Variants in ATAD2B observed in about 807,000 individuals in gnomAD.
ATAD2B encodes the protein ATPase family AAA domain containing 2B.
A neutral mutation model predicts 167.6 loss-of-function variants in ATAD2B; 40 were observed. The observed-to-expected ratio is 0.24, with a 90% CI of 0.19 to 0.31. The LOEUF (loss-of-function observed/expected upper bound fraction) is 0.31. Ranked by LOEUF, ATAD2B falls within the 10% of genes least tolerant of loss-of-function variation. ATAD2B has a pLI of 1.00. For synonymous variants in ATAD2B, 579 were observed against 596.5 expected, an observed-to-expected ratio of 0.97 and a Z score of 0.43; for missense variants, 1,242 against 1,757.2, an observed-to-expected ratio of 0.71 and a Z score of 5.24.
At chr2:23,691,696 G>A in the ATAD2B span, 4 of 1,551,776 alleles carry the variant, frequency 2.6e-6, no homozygotes, top group Non-Finnish European at 3.5e-6. Context: ...CAGCGGCCAG[G>A]GCGGCCGGGA....
chr2:23,712,245 A>G, the ATAD2B span, among the ~76,000 whole-genome samples: 2 of 152,190 alleles, frequency 1.3e-5, no homozygotes, highest in African/African-American at 2.4e-5. Context: ...TCCCCAGGCT[A>G]CCTCAAAAAT....
At chr2:23,906,820 A>T (rs946588184) in intron 1 of ATAD2B, among the ~76,000 whole-genome samples, 1 of 152,012 alleles carries the variant, frequency 6.6e-6, no homozygotes, top group Non-Finnish European at 1.5e-5. Flanking sequence ...AATACACGCA[A>T]ATCAATAAAT....
chr2:23,691,468 G>T, the ATAD2B span: 1 of 598,782 alleles, frequency 1.7e-6, no homozygotes, highest in East Asian at 2.8e-5. Flanking sequence ...GATAAGCAGG[G>T]TTTTCTGTTC....
At chr2:23,739,930 C>T in the ATAD2B span, among the ~76,000 whole-genome samples, 1 of 152,188 alleles carries the variant, frequency 6.6e-6, no homozygotes, top group Non-Finnish European at 1.5e-5. Flanking sequence ...CACCTCTACG[C>T]AAATAAACTA....
rs778698296 is a variant in ATAD2B, at chr2:23,887,896, G to A, written c.508C>T (p.Arg170Cys). Residue 170 changes from arginine (R) to cysteine (C), a missense_variant, in exon 4 of 28, where the codon CGT (arginine) becomes TGT (cysteine). Physicochemically the swap from Arg to Cys is radical, Grantham distance 180. Transcript: ENST00000238789. Reference sequence around the variant, plus strand: ...CTTTCAAATCTGTTTTTCCTGGAACGACAACTTTTTCTGACTTCCATGTCA... The same window carrying A: ...CTTTCAAATCTGTTTTTCCTGGAACAACAACTTTTTCTGACTTCCATGTCA... Reference protein sequence around the residue: ...NGDMEVRKSCRSRKNRFESVN... With the variant: ...NGDMEVRKSCCSRKNRFESVN... The A allele has an allele frequency of 1.1e-5, 18 of 1,610,146 alleles. No homozygotes were observed. The highest frequency in any genetic ancestry group is 1.3e-5 in the Non-Finnish European group (15 of 1,178,638).
At chr2:23,740,818 C>A in the ATAD2B span, among the ~76,000 whole-genome samples, 9 of 152,052 alleles carry the variant, frequency 5.9e-5, no homozygotes, top group South Asian at 2.1e-4. Context: ...GTCTCAGCCC[C>A]AAATCTCCTC....
chr2:23,795,936 T>C (rs1254603564), intron 19 of ATAD2B, among the ~76,000 whole-genome samples: 1 of 150,282 alleles, frequency 6.7e-6, no homozygotes, highest in African/African-American at 2.4e-5. Context: ...AGACCTGAAA[T>C]TAAATTGTAA....
chr2:23,909,463 CACAT>C lies in ATAD2B; in HGVS notation c.217-13497_217-13494del, dbSNP rs1169464231. Among the ~76,000 whole-genome samples the C allele has an allele frequency of 4.0e-5, 6 of 151,438 alleles. No individual in the cohort carries two copies. In the East Asian group the frequency reaches 9.7e-4, roughly 24 times the overall value. ...ACATATATATATATACACACACACA[CACAT>C]ACATATATATATACATACATACATA... On this transcript the variant is annotated intron_variant, in intron 1 of 27. Coordinates refer to ENST00000238789, the MANE Select transcript of ATAD2B (RefSeq NM_017552.4).
Position 23,762,261 on chromosome 2 carries a change from G to T in ATAD2B, c.3342C>A (p.His1114Gln), listed in dbSNP as rs374689570. Reference sequence around the variant, plus strand: ...ACACATCCATTGGATTTCTTTGTTTGTGCCGAAATGCCTCTTCGACTCTAG... The same window carrying T: ...ACACATCCATTGGATTTCTTTGTTTTTGCCGAAATGCCTCTTCGACTCTAG... ...TETRVEEAFR[H>Q]KQRNPMDVWH... The change falls in exon 24 of 28, where the codon CAC becomes CAA. Residue 1114 changes from histidine to glutamine, a missense_variant. Transcript: ENST00000238789. 2 of 1,613,342 alleles carry T rather than the reference G, an allele frequency of 1.2e-6. No individual in the cohort carries two copies. The highest frequency in any genetic ancestry group is 2.7e-5 in the African/African-American group (2 of 74,822).
chr2:23,757,391 A>C, intron 25 of ATAD2B, 27 bp downstream of exon 25: 1 of 1,454,984 alleles, frequency 6.9e-7, no homozygotes, highest in Non-Finnish European at 9.1e-7. Flanking sequence ...TTAAACCTTC[A>C]GAAGATTTTT....
chr2:23,787,645 T>C (rs868229019), intron 20 of ATAD2B, among the ~76,000 whole-genome samples: 2 of 151,422 alleles, frequency 1.3e-5, no homozygotes, highest in African/African-American at 2.4e-5. Flanking sequence ...ACAAACAAAG[T>C]AAAAAGAATA....
intron 15 of ATAD2B, among the ~76,000 whole-genome samples, chr2:23,825,577 T>C (rs928322270): frequency 2.0e-5 from 3 of 152,346 alleles, no homozygotes; most frequent in Non-Finnish European, 4.4e-5. Flanking sequence ...CTCAAAGTTA[T>C]AAAGAGTTAA....
At chr2:23,860,816 C>A (rs1380434951) in intron 12 of ATAD2B, among the ~76,000 whole-genome samples, 1 of 152,054 alleles carries the variant, frequency 6.6e-6, no homozygotes, top group African/African-American at 2.4e-5. Flanking sequence ...ACTAAAAATA[C>A]AAAAATTAGC....
chr2:23,794,965 A>C (rs1682374541), intron 19 of ATAD2B, among the ~76,000 whole-genome samples: 1 of 152,210 alleles, frequency 6.6e-6, no homozygotes, highest in Non-Finnish European at 1.5e-5. Context: ...AGAGAATGTC[A>C]AAGAAGTTCT....
At chr2:23,881,487 G>A (rs537514199) in intron 6 of ATAD2B, among the ~76,000 whole-genome samples, 5 of 149,288 alleles carry the variant, frequency 3.3e-5, no homozygotes, top group South Asian at 2.1e-4. Flanking sequence ...TCAGCCTCCC[G>A]AGTAGCTGGG....
chr2:23,680,240 C>T, the ATAD2B span, among the ~76,000 whole-genome samples: 1 of 152,158 alleles, frequency 6.6e-6, no homozygotes, highest in East Asian at 1.9e-4. This position sits in a 1 kb window ranked among gnomAD's most constrained non-coding sequence, Gnocchi z 4.1. Context: ...AAAGATGGGA[C>T]TTGGTGTGAT....
intron 18 of ATAD2B, among the ~76,000 whole-genome samples, chr2:23,804,882 A>G (rs1684114022): frequency 1.3e-5 from 2 of 152,064 alleles, no homozygotes; most frequent in Non-Finnish European, 2.9e-5. Context: ...GCTCATGACT[A>G]GATTACAACC....
intron 1 of ATAD2B, among the ~76,000 whole-genome samples, chr2:23,922,351 G>A (rs1252029211): frequency 1.3e-5 from 2 of 152,118 alleles, no homozygotes; most frequent in Admixed American, 6.6e-5. Flanking sequence ...TGATCTAAAA[G>A]GGGTCAAGCT....
intron 6 of ATAD2B, chr2:23,883,577 TTA>T (rs1384803554): frequency 7.9e-7 from 1 of 1,269,150 alleles, no homozygotes; most frequent in African/African-American, 1.5e-5. Context: ...AAGAATCGCA[TTA>T]TAAATCTGTC....
Sources: gnomAD v4.1 joint callset for allele counts (sites outside exome capture counted in the v4.1 genomes callset) on GRCh38, gnomAD v4.1.1 for gene constraint, Gnocchi (gnomAD v3.1) non-coding constraint, MANE v1.5 for transcripts, NCBI Gene and HGNC (gene_info 2026-07-23, HGNC 2026-07-21) for gene names.